NRXN1: variants seen among roughly 807,000 people sequenced by gnomAD.
The protein encoded by NRXN1 is neurexin-1.
A neutral mutation model predicts 150.9 loss-of-function variants in NRXN1; 39 were observed. The observed-to-expected ratio is 0.26, with a 90% confidence interval of 0.20 to 0.34. The LOEUF is 0.34. Ranked by LOEUF, NRXN1 falls within the 10% of genes least tolerant of loss-of-function variation. NRXN1 has a pLI of 1.00. For synonymous variants in NRXN1, 924 were observed against 757.0 expected (o/e 1.22, Z -3.62); for missense variants, 1,815 against 1,949.9 (o/e 0.93, Z 1.30).
chr2:50,853,628 T>C (rs1487503216), intron 5 of NRXN1, among the ~76,000 whole-genome samples: 1 of 152,116 alleles, frequency 6.6e-6, no homozygotes, highest in Non-Finnish European at 1.5e-5. Flanking sequence ...GTCAGGACTC[T>C]GAGCTTAAAG....
At chr2:50,460,419 T>G (rs772741894) in intron 17 of NRXN1, among the ~76,000 whole-genome samples, 28 of 152,096 alleles carry the variant, frequency 1.8e-4, no homozygotes, top group Non-Finnish European at 3.1e-4. Flanking sequence ...TGCAAGGGAC[T>G]AACATAGATA....
chr2:49,943,407 T>G (rs1672349107), intron 22 of NRXN1, among the ~76,000 whole-genome samples: 1 of 152,192 alleles, frequency 6.6e-6, no homozygotes, highest in African/African-American at 2.4e-5. Flanking sequence ...GAAAGCTCAT[T>G]ATATTGTTAC....
At chr2:50,269,838 G>C (rs940475259) in intron 17 of NRXN1, among the ~76,000 whole-genome samples, 2 of 152,106 alleles carry the variant, frequency 1.3e-5, no homozygotes, top group South Asian at 2.1e-4. Context: ...AGGCGGAAAG[G>C]TCTAATTTGG....
At chr2:50,698,316 G>A (rs905851992) in intron 5 of NRXN1, among the ~76,000 whole-genome samples, 2 of 152,138 alleles carry the variant, frequency 1.3e-5, no homozygotes, top group Non-Finnish European at 2.9e-5. Context: ...AATATACAAC[G>A]GTGCTGTCTA....
chr2:50,040,633 T>C (rs1292317283), intron 21 of NRXN1, among the ~76,000 whole-genome samples: 1 of 152,110 alleles, frequency 6.6e-6, no homozygotes, highest in East Asian at 1.9e-4. Flanking sequence ...CTTTTTTATA[T>C]ACCATCTTCT....
At chr2:50,843,689 T>C (rs1673203510) in intron 5 of NRXN1, among the ~76,000 whole-genome samples, 1 of 152,194 alleles carries the variant, frequency 6.6e-6, no homozygotes, top group Non-Finnish European at 1.5e-5. Context: ...TACTATTTCA[T>C]TGCTCTCATT....
intron 15 of NRXN1, among the ~76,000 whole-genome samples, chr2:50,477,816 C>T (rs1471468052): frequency 6.6e-6 from 1 of 152,160 alleles, no homozygotes; most frequent in Non-Finnish European, 1.5e-5. Flanking sequence ...CACAAATTAG[C>T]TTACTTTCCT....
At chr2:50,685,928 C>G (rs987082907) in intron 5 of NRXN1, among the ~76,000 whole-genome samples, 1 of 152,052 alleles carries the variant, frequency 6.6e-6, no homozygotes. Flanking sequence ...TCAAGTTTAA[C>G]CGCATCAAAA....
At chr2:50,091,732 G>A (rs887787005) in intron 18 of NRXN1, among the ~76,000 whole-genome samples, 1 of 152,134 alleles carries the variant, frequency 6.6e-6, no homozygotes, top group Non-Finnish European at 1.5e-5. Flanking sequence ...GAATTGAGCC[G>A]CCTTCTTCCC....
At chr2:50,601,495 C>T (rs972112) in intron 8 of NRXN1, among the ~76,000 whole-genome samples, 1 of 152,078 alleles carries the variant, frequency 6.6e-6, no homozygotes, top group Non-Finnish European at 1.5e-5. Context: ...AATAACTCTC[C>T]GTAATTATGA....
chr2:50,199,085 T>C (rs1201279529), intron 18 of NRXN1: 2 of 152,174 alleles, frequency 1.3e-5, no homozygotes, highest in Non-Finnish European at 1.5e-5. Context: ...AAATGGTTCA[T>C]ATACTTTTCA....
chr2:50,857,404 T>C (rs1294349035), intron 5 of NRXN1, among the ~76,000 whole-genome samples: 1 of 152,058 alleles, frequency 6.6e-6, no homozygotes, highest in African/African-American at 2.4e-5. Flanking sequence ...TTTATGTGGT[T>C]GATTTGAGGT....
At chr2:50,227,060 G>A (rs1374070871) in intron 18 of NRXN1, among the ~76,000 whole-genome samples, 1 of 151,658 alleles carries the variant, frequency 6.6e-6, no homozygotes, top group Non-Finnish European at 1.5e-5. Flanking sequence ...TGTTCAGTAT[G>A]GATGAAGATT....
intron 17 of NRXN1, among the ~76,000 whole-genome samples, chr2:50,283,621 A>C (rs1426146581): frequency 6.6e-6 from 1 of 152,164 alleles, no homozygotes; most frequent in African/African-American, 2.4e-5. Context: ...AAATAGAACG[A>C]TATCAGGTCT....
At chr2:50,894,455 T>C (rs1681606860) in intron 5 of NRXN1, among the ~76,000 whole-genome samples, 1 of 151,868 alleles carries the variant, frequency 6.6e-6, no homozygotes, top group Admixed American at 6.6e-5. Flanking sequence ...AGATTTGTCC[T>C]GATTATTCAT....
chr2:49,990,289 G>A (rs961559594), intron 21 of NRXN1, among the ~76,000 whole-genome samples: 2 of 152,088 alleles, frequency 1.3e-5, no homozygotes, highest in African/African-American at 4.8e-5. Context: ...AAGAGTCTGA[G>A]CATCAAAAGA....
At chr2:49,988,638 A>G (rs1681379040) in intron 21 of NRXN1, among the ~76,000 whole-genome samples, 1 of 135,866 alleles carries the variant, frequency 7.4e-6, no homozygotes, top group African/African-American at 2.7e-5. Flanking sequence ...AAAAAAAAAA[A>G]AGCCCTGAAG....
At chr2:50,794,870 A>AAAACATTTTT (rs1346749492) in intron 5 of NRXN1, among the ~76,000 whole-genome samples, 2 of 152,142 alleles carry the variant, frequency 1.3e-5, no homozygotes, top group Non-Finnish European at 2.9e-5. Context: ...ATTATGGCTG[A>AAAACATTTTT]AAACATTTTT....
chr2:50,114,207 T>G lies in NRXN1; in HGVS notation c.3547-22713A>C, dbSNP rs566094759. On this transcript the variant is annotated intron_variant, in intron 18 of 22. Coordinates refer to ENST00000401669, the MANE Select transcript of NRXN1 (RefSeq NM_001330078.2). The stretch of plus-strand genomic sequence containing the variant: ...GATAGATTTAAAAATGGGCAAAATA[T>G]CTGAAATTACCAAAATGAGATATAC... 3.3e-5 allele frequency among the ~76,000 whole-genome samples: 5 copies of G among 152,178 alleles called. No individual in the cohort carries two copies. In the South Asian group the frequency reaches 1.0e-3, roughly 32 times the overall value.
Sources: gnomAD v4.1 joint callset for allele counts (sites outside exome capture counted in the v4.1 genomes callset) on GRCh38, gnomAD v4.1.1 for gene constraint, MANE v1.5 for transcripts, NCBI Gene and HGNC (gene_info 2026-07-23, HGNC 2026-07-21) for gene names.